Variants in RNF13 observed in about 807,000 individuals in gnomAD.
RNF13 encodes ring finger protein 13.
In RNF13, 19 loss-of-function variants were observed where a neutral mutation model predicts 37.7. That is an observed-to-expected ratio of 0.50 (90% confidence interval 0.35 to 0.74). RNF13 has a LOEUF of 0.74. Ranked by LOEUF, RNF13 falls within the 30% of genes least tolerant of loss-of-function variation. RNF13 has a pLI of 0.01. For missense variants in RNF13, 375 were observed against 453.0 expected (o/e 0.83, Z 1.56); for synonymous variants, 144 against 157.8 (o/e 0.91, Z 0.65).
chr3:149,895,570 G>T lies in RNF13; in HGVS notation c.409+10G>T. On this transcript the variant is annotated intron_variant, in intron 5 of 9. Coordinates refer to ENST00000392894, the MANE Select transcript of RNF13 (RefSeq NM_183381.3). Reference sequence around the variant, plus strand: ...ATGGGATCCAACGACAGTAAGTACAGGTATCACTTTTCTTCTCTCCTGTTT... The same window carrying T: ...ATGGGATCCAACGACAGTAAGTACATGTATCACTTTTCTTCTCTCCTGTTT... 1 of 1,521,404 alleles carries T rather than the reference G, an allele frequency of 6.6e-7. No homozygotes were observed. Among genetic ancestry groups the T allele is most frequent in the African/African-American group, 1.4e-5 (1 of 72,066 alleles). 94.2% of individuals were successfully genotyped at this position (1,521,404 alleles called of 1,614,324 possible).
At chr3:149,865,921 G>A (rs1353280962) in intron 3 of RNF13, among the ~76,000 whole-genome samples, 1 of 151,956 alleles carries the variant, frequency 6.6e-6, no homozygotes, top group Non-Finnish European at 1.5e-5. Context: ...AAGTTTATTA[G>A]GAAAATAAGG....
intron 7 of RNF13, among the ~76,000 whole-genome samples, chr3:149,912,607 A>G (rs1717103498): frequency 6.6e-6 from 1 of 152,188 alleles, no homozygotes; most frequent in Non-Finnish European, 1.5e-5. Context: ...GGGTTGTGAC[A>G]AAAAGCACAG....
At chr3:149,887,693 A>C (rs1336183386) in intron 4 of RNF13, among the ~76,000 whole-genome samples, 1 of 152,166 alleles carries the variant, frequency 6.6e-6, no homozygotes. Context: ...ATCCATATGC[A>C]CTTTTACACA....
At position 149,939,253 on chromosome 3, in the gene RNF13, G is replaced by A. The variant is rs1269267130; in HGVS notation, c.700+18026G>A. On this transcript the variant is annotated intron_variant, in intron 8 of 9. Coordinates refer to ENST00000392894, the MANE Select transcript of RNF13 (RefSeq NM_183381.3). ...GTATCTCGTATGGATTTCCTCACTGGTGCTTTTTATCCAGTTTCCTCATCA... is the reference window on the plus strand; with the variant it reads ...GTATCTCGTATGGATTTCCTCACTGATGCTTTTTATCCAGTTTCCTCATCA... 4 of 482,156 alleles carry A rather than the reference G, an allele frequency of 8.3e-6. No individual in the cohort carries two copies. The East Asian group carries it at 2.1e-4, about 25-fold the overall frequency. 29.9% of individuals were successfully genotyped at this position (482,156 alleles called of 1,614,324 possible).
chr3:149,856,414 A>G (rs1723655689), intron 3 of RNF13, among the ~76,000 whole-genome samples: 1 of 151,308 alleles, frequency 6.6e-6, no homozygotes, highest in African/African-American at 2.4e-5. Context: ...AAGATATAAT[A>G]TGGTTATTAT....
chr3:149,818,345 G>A (rs765514575), intron 1 of RNF13, among the ~76,000 whole-genome samples: 12 of 152,094 alleles, frequency 7.9e-5, no homozygotes, highest in Non-Finnish European at 1.2e-4. Context: ...TTAAGCAGAT[G>A]GTAATAATGA....
intron 1 of RNF13, among the ~76,000 whole-genome samples, chr3:149,822,147 G>A (rs1031201068): frequency 6.6e-6 from 1 of 152,054 alleles, no homozygotes; most frequent in South Asian, 2.1e-4. Context: ...AATTCCATAT[G>A]AATTTGAGAA....
chr3:149,936,144 T>G (rs1158906255), intron 8 of RNF13, among the ~76,000 whole-genome samples: 1 of 152,134 alleles, frequency 6.6e-6, no homozygotes, highest in East Asian at 1.9e-4. Flanking sequence ...GCTTCTTTTT[T>G]TTCTGCTTTT....
At position 149,835,527 on chromosome 3, in the gene RNF13, G is replaced by A. The variant is rs202240394; in HGVS notation, c.-16-10484G>A. The stretch of plus-strand genomic sequence containing the variant: ...AACGAGTGAGAACATACGATGTTTG[G>A]TTTTCCATTCCTGAGTTACTTCACT... On this transcript the variant is annotated intron_variant, in intron 1 of 9. Coordinates refer to ENST00000392894, the MANE Select transcript of RNF13 (RefSeq NM_183381.3). Among the ~76,000 whole-genome samples the A allele has an allele frequency of 3.3e-5, 5 of 151,798 alleles. No homozygotes were observed. In the East Asian group the frequency reaches 9.7e-4, roughly 29 times the overall value.
At chr3:149,894,713 A>G (rs1453240623) in intron 4 of RNF13, among the ~76,000 whole-genome samples, 1 of 152,016 alleles carries the variant, frequency 6.6e-6, no homozygotes, top group Non-Finnish European at 1.5e-5. Context: ...TGCCCTCCTA[A>G]TTTTTATTTT....
At chr3:149,899,216 C>A (rs140404599) in intron 5 of RNF13, among the ~76,000 whole-genome samples, 1 of 152,210 alleles carries the variant, frequency 6.6e-6, no homozygotes, top group East Asian at 1.9e-4. Flanking sequence ...GAGGCCAAGG[C>A]GGGAGGATTG....
At chr3:149,934,944 A>G (rs1719528968) in intron 8 of RNF13, among the ~76,000 whole-genome samples, 1 of 152,172 alleles carries the variant, frequency 6.6e-6, no homozygotes, top group African/African-American at 2.4e-5. Context: ...AAAAGAATAA[A>G]AATCTAGTTT....
chr3:149,938,304 A>G (rs1275689196), intron 8 of RNF13, among the ~76,000 whole-genome samples: 2 of 151,618 alleles, frequency 1.3e-5, no homozygotes, highest in Non-Finnish European at 1.5e-5. Context: ...CAGCCTCCCA[A>G]GTAGCTGGGA....
At chr3:149,866,511 C>T (rs1711496943) in intron 3 of RNF13, among the ~76,000 whole-genome samples, 1 of 152,190 alleles carries the variant, frequency 6.6e-6, no homozygotes, top group African/African-American at 2.4e-5. Flanking sequence ...ATTTTATCAG[C>T]AAGGTCTTTA....
chr3:149,912,933 A>C (rs965317084), intron 7 of RNF13, among the ~76,000 whole-genome samples: 1 of 152,158 alleles, frequency 6.6e-6, no homozygotes, highest in Non-Finnish European at 1.5e-5. Flanking sequence ...AAAATATTTG[A>C]AAACAGAAGC....
chr3:149,879,016 G>T (rs1713065023), intron 4 of RNF13, among the ~76,000 whole-genome samples: 1 of 152,138 alleles, frequency 6.6e-6, no homozygotes, highest in Non-Finnish European at 1.5e-5. Context: ...GTCTAGTTGT[G>T]TCACATTTCT....
At chr3:149,925,513 T>C (rs1354907127) in intron 8 of RNF13, among the ~76,000 whole-genome samples, 1 of 152,232 alleles carries the variant, frequency 6.6e-6, no homozygotes, top group Non-Finnish European at 1.5e-5. Context: ...TTCTTACCTC[T>C]GATTAATTTT....
At position 149,960,740 on chromosome 3, in the gene RNF13, C is replaced by T. The variant is rs748253611; in HGVS notation, c.782C>T (p.Ala261Val). Reference sequence around the variant, plus strand: ...AAAGATGTATATTTTGCTTCAACAGCTTATCACTGCAAGTGTGTAGACCCT... The same window carrying T: ...AAAGATGTATATTTTGCTTCAACAGTTTATCACTGCAAGTGTGTAGACCCT... ...DKLRILPCSH[A>V]YHCKCVDPWL... Residue 261 changes from alanine to valine, a missense_variant and splice_region_variant, in exon 10 of 10, where the codon GCT (alanine) becomes GTT (valine). Transcript: ENST00000392894. The T allele has an allele frequency of 6.3e-7, 1 of 1,598,244 alleles. No homozygotes were observed. Among genetic ancestry groups the T allele is most frequent in the Admixed American group, 1.8e-5 (1 of 56,118 alleles).
intron 3 of RNF13, among the ~76,000 whole-genome samples, chr3:149,853,425 T>C (rs1179179525): frequency 6.7e-6 from 1 of 149,292 alleles, no homozygotes; most frequent in Non-Finnish European, 1.5e-5. Context: ...CTTAAACATA[T>C]TTTTTGCTGT....
Sources: allele counts gnomAD v4.1 joint callset (sites outside exome capture counted in the v4.1 genomes callset), GRCh38; gene constraint gnomAD v4.1.1; transcripts MANE v1.5; gene names NCBI Gene and HGNC (gene_info 2026-07-23, HGNC 2026-07-21).